Variants in CDH18 observed in about 807,000 individuals in gnomAD.
The protein encoded by CDH18 is cadherin 18, also known as cadherin-18.
Under a neutral mutation model 67.9 loss-of-function variants are expected in CDH18, and 31 were observed. The observed-to-expected ratio is 0.46, with a 90% CI of 0.34 to 0.62. CDH18 has a LOEUF of 0.62. Among genes scored for constraint, CDH18 ranks in the 20% least tolerant of loss-of-function variants. The probability of loss-of-function intolerance (pLI) is 0.01; values close to 1 mark genes in which losing one functional copy is unlikely to be tolerated. For synonymous variants in CDH18, 362 were observed against 347.2 expected, an observed-to-expected ratio of 1.04 and a Z score of -0.48; for missense variants, 890 against 975.5, an observed-to-expected ratio of 0.91 and a Z score of 1.17.
At chr5:19,934,314 T>A (rs1205260756) in intron 2 of CDH18, among the ~76,000 whole-genome samples, 2 of 151,564 alleles carry the variant, frequency 1.3e-5, no homozygotes, top group East Asian at 3.9e-4. Context: ...TCCAGTGACA[T>A]AAGTCTGAAT....
intron 3 of CDH18, among the ~76,000 whole-genome samples, chr5:19,795,680 C>T (rs1776782423): frequency 6.6e-6 from 1 of 151,788 alleles, no homozygotes; most frequent in Non-Finnish European, 1.5e-5. Flanking sequence ...TGTCTGGGAA[C>T]TAAAAAGAAA....
chr5:19,974,308 G>T (rs908880133), intron 2 of CDH18, among the ~76,000 whole-genome samples: 1 of 151,934 alleles, frequency 6.6e-6, no homozygotes, highest in Non-Finnish European at 1.5e-5. Flanking sequence ...GAGGCGGGCA[G>T]ATCACTTGAG....
At position 20,494,093 on chromosome 5, in the gene CDH18, C is replaced by T. The variant is rs551373561; in HGVS notation, c.-580+81369G>A. Among the ~76,000 whole-genome samples, 4 of 151,952 alleles carry T rather than the reference C, an allele frequency of 2.6e-5. No individual in the cohort carries two copies. The South Asian group carries it at 8.3e-4, about 32-fold the overall frequency. On this transcript the variant is annotated intron_variant, in intron 1 of 14. Transcript: ENST00000507958. ...GGTTAACCCCCATCTATACTAAAAACAAACAAGCAAACAAATAAAAACAAA... is the reference window on the plus strand; with the variant it reads ...GGTTAACCCCCATCTATACTAAAAATAAACAAGCAAACAAATAAAAACAAA...
At chr5:19,926,405 G>C (rs1041460566) in intron 2 of CDH18, among the ~76,000 whole-genome samples, 2 of 152,108 alleles carry the variant, frequency 1.3e-5, no homozygotes, top group African/African-American at 2.4e-5. Context: ...CAGGGCAAAG[G>C]TGTTTCTATC....
At chr5:19,873,158 G>A (rs1786515436) in intron 2 of CDH18, among the ~76,000 whole-genome samples, 2 of 150,484 alleles carry the variant, frequency 1.3e-5, no homozygotes, top group African/African-American at 4.9e-5. Flanking sequence ...AAAAGCTCAT[G>A]TATATGGATG....
intron 1 of CDH18, among the ~76,000 whole-genome samples, chr5:20,327,608 A>G (rs1228252220): frequency 6.6e-6 from 1 of 152,174 alleles, no homozygotes; most frequent in Non-Finnish European, 1.5e-5. Flanking sequence ...ACCAACACAA[A>G]TAACAGTTCC....
intron 1 of CDH18, among the ~76,000 whole-genome samples, chr5:20,331,705 C>T (rs531970229): frequency 6.6e-6 from 1 of 152,094 alleles, no homozygotes; most frequent in Non-Finnish European, 1.5e-5. Context: ...CCTCCTCCCC[C>T]CAGCTGGAGG....
At chr5:19,763,439 G>T (rs1772636432) in intron 3 of CDH18, among the ~76,000 whole-genome samples, 1 of 152,136 alleles carries the variant, frequency 6.6e-6, no homozygotes, top group African/African-American at 2.4e-5. Context: ...TTGGTGTTTG[G>T]CCATAGTTAC....
At chr5:20,246,721 T>C (rs1278822882) in intron 2 of CDH18, among the ~76,000 whole-genome samples, 3 of 152,184 alleles carry the variant, frequency 2.0e-5, no homozygotes, top group Non-Finnish European at 4.4e-5. Flanking sequence ...AAGGAATCAG[T>C]TCCAGAAGAA....
chr5:20,386,349 G>A (rs982739308), intron 1 of CDH18, among the ~76,000 whole-genome samples: 32 of 152,144 alleles, frequency 2.1e-4, no homozygotes, highest in East Asian at 1.9e-4. Context: ...TCTAAAATGT[G>A]AGCATGTCAG....
chr5:19,657,170 C>A (rs966043219), intron 5 of CDH18, among the ~76,000 whole-genome samples: 16 of 152,050 alleles, frequency 1.1e-4, no homozygotes, highest in African/African-American at 3.9e-4. Flanking sequence ...TCATCAATTA[C>A]AGTTTGCTAC....
intron 1 of CDH18, among the ~76,000 whole-genome samples, chr5:20,485,637 A>C (rs12652510): frequency 0.18 from 28,048 of 152,048 alleles, 3,217 homozygotes; most frequent in East Asian, 0.39. Context: ...TTCCATCAAA[A>C]TCTATCTTCA....
rs546171068 is a variant in CDH18, at chr5:19,808,332, A to T, written c.228+30427T>A. 8.0e-3 allele frequency among the ~76,000 whole-genome samples: 1,212 copies of T among 151,988 alleles called. 9 individuals are homozygous for T. The highest frequency in any genetic ancestry group is 0.013 in the Non-Finnish European group (872 of 67,962). On this transcript the variant is annotated intron_variant, in intron 3 of 12. Coordinates refer to ENST00000382275, the MANE Select transcript of CDH18 (RefSeq NM_004934.5). ...AACAACAACAACAAAAAAAAAACAA[A>T]AATAAAACTGAATGTATTTGAAGGC...
chr5:19,495,733 AAAAAAAAAAG>A (rs1343813585), intron 11 of CDH18, among the ~76,000 whole-genome samples: 2 of 148,780 alleles, frequency 1.3e-5, no homozygotes, highest in Non-Finnish European at 3.0e-5. Context: ...AAAAAAAAAA[AAAAAAAAAAG>A]AAAGAAAGAA....
chr5:19,487,265 CAT>C (rs1740558983), intron 11 of CDH18, among the ~76,000 whole-genome samples: 1 of 152,066 alleles, frequency 6.6e-6, no homozygotes, highest in African/African-American at 2.4e-5. Flanking sequence ...CAAATATAGA[CAT>C]ATAGCCATAA....
At chr5:19,759,810 A>AT (rs1772104142) in intron 3 of CDH18, among the ~76,000 whole-genome samples, 1 of 152,064 alleles carries the variant, frequency 6.6e-6, no homozygotes, top group Admixed American at 6.6e-5. Context: ...GGGGCCCTAC[A>AT]TTAGGGGTAC....
intron 1 of CDH18, among the ~76,000 whole-genome samples, chr5:20,444,639 A>C (rs1467585367): frequency 6.6e-6 from 1 of 152,230 alleles, no homozygotes; most frequent in South Asian, 2.1e-4. Context: ...ATTTGTAATT[A>C]GCACTGAGGG....
chr5:20,543,137 G>A (rs571474603), intron 1 of CDH18, among the ~76,000 whole-genome samples: 1 of 152,018 alleles, frequency 6.6e-6, no homozygotes, highest in African/African-American at 2.4e-5. Flanking sequence ...ACAATTTATT[G>A]TGGGAATAAC....
intron 2 of CDH18, among the ~76,000 whole-genome samples, chr5:20,134,196 C>A (rs1749504649): frequency 6.6e-6 from 1 of 152,148 alleles, no homozygotes; most frequent in Admixed American, 6.6e-5. Flanking sequence ...GTCTCAAATT[C>A]TTGGCCTCAA....
Sources: allele counts gnomAD v4.1 joint callset (sites outside exome capture counted in the v4.1 genomes callset), GRCh38; gene constraint gnomAD v4.1.1; transcripts MANE v1.5; gene names NCBI Gene and HGNC (gene_info 2026-07-23, HGNC 2026-07-21).